The following SMG1 variants were observed in gnomAD, a reference collection of about 807,000 sequenced individuals.
SMG1 encodes SMG1 nonsense mediated mRNA decay associated PI3K related kinase, also known as serine/threonine-protein kinase SMG1.
SMG1 carries 22 observed loss-of-function variants against 419.9 expected under a neutral mutation model. That is an observed-to-expected ratio of 0.05 (90% CI 0.04 to 0.07). The LOEUF is 0.07. SMG1 is among the 10% of genes least tolerant of loss of function. The pLI is 1.00. For synonymous variants in SMG1, 1,538 were observed against 1,553.5 expected (o/e 0.99, Z 0.23); for missense variants, 3,185 against 4,342.0 (o/e 0.73, Z 7.49).
chr16:18,867,567 AATTT>A (rs2035584671), intron 22 of SMG1, among the ~76,000 whole-genome samples: 1 of 148,138 alleles, frequency 6.8e-6, no homozygotes, highest in Admixed American at 6.8e-5. Context: ...ATAAATAAAT[AATTT>A]ATCCCATAAA....
chr16:18,843,680 G>C (rs914643282), intron 39 of SMG1, among the ~76,000 whole-genome samples: 9 of 152,130 alleles, frequency 5.9e-5, no homozygotes. Flanking sequence ...AATCCAATAT[G>C]GCAGTAAAAA....
chr16:18,859,057 A>C lies in SMG1; in HGVS notation c.4078T>G (p.Leu1360Val). ...AGTCTGTTAGAAACTGTGTTCTCCA[A>C]AGCAGATGAGCAATACAGCTGCAAG... ...STLQLYCSSA[L>V]ENTVSNRLST... Residue 1360 changes from leucine (L) to valine (V), a missense_variant, in exon 28 of 63, where the codon TTG becomes GTG. This residue lies in a region of SMG1 where 493 missense variants were observed against 552.9 expected (regional missense o/e 0.89). Coordinates refer to ENST00000446231, the MANE Select transcript of SMG1 (RefSeq NM_015092.5). The C allele has an allele frequency of 6.5e-7, 1 of 1,535,026 alleles. No individual in the cohort carries two copies. The highest frequency in any genetic ancestry group is 8.7e-7 in the Non-Finnish European group (1 of 1,146,524).
intron 1 of SMG1, among the ~76,000 whole-genome samples, chr16:18,916,034 A>ACTCCAGC (rs1428874622): frequency 7.6e-6 from 1 of 130,868 alleles, no homozygotes; most frequent in East Asian, 2.3e-4. Context: ...ACACCATTGC[A>ACTCCAGC]CTCCAGCCTG....
chr16:18,892,999 C>A (rs1467664957), intron 3 of SMG1, among the ~76,000 whole-genome samples: 1 of 152,176 alleles, frequency 6.6e-6, no homozygotes, highest in Non-Finnish European at 1.5e-5. Context: ...AAACTGTTTT[C>A]AACATGCAGG....
At chr16:18,919,957 G>A (rs1193821452) in intron 1 of SMG1, among the ~76,000 whole-genome samples, 1 of 151,544 alleles carries the variant, frequency 6.6e-6, no homozygotes, top group Non-Finnish European at 1.5e-5. Flanking sequence ...CGGGCCTGGT[G>A]ACATGCACCT....
intron 12 of SMG1, among the ~76,000 whole-genome samples, chr16:18,876,598 A>G (rs1336435198): frequency 6.6e-6 from 1 of 152,178 alleles, no homozygotes; most frequent in Non-Finnish European, 1.5e-5. Context: ...TCAAGTCTAT[A>G]AAGTTTTATC....
intron 13 of SMG1, among the ~76,000 whole-genome samples, chr16:18,873,482 G>A (rs1471700466): frequency 6.6e-6 from 1 of 152,076 alleles, no homozygotes; most frequent in Non-Finnish European, 1.5e-5. Context: ...TCGGTCTCCC[G>A]AGGGATTACA....
In SMG1 at chr16:18,830,397, C is replaced by T. The variant is rs529696928; in HGVS notation, c.8793-28G>A. On this transcript the variant is annotated intron_variant, in intron 51 of 62. Coordinates refer to ENST00000446231, the MANE Select transcript of SMG1 (RefSeq NM_015092.5). ...ACAGAAAAACAAAAGGAGTTAAAACCTTCGCTGAAAAGTAATGCCTTTGGT... is the reference window on the plus strand; with the variant it reads ...ACAGAAAAACAAAAGGAGTTAAAACTTTCGCTGAAAAGTAATGCCTTTGGT... The T allele has an allele frequency of 3.1e-6, 5 of 1,612,188 alleles. No homozygotes were observed. The East Asian group carries it at 1.1e-4, about 36-fold the overall frequency.
intron 3 of SMG1, among the ~76,000 whole-genome samples, chr16:18,892,853 A>G (rs1350557778): frequency 1.3e-5 from 2 of 152,230 alleles, no homozygotes; most frequent in Admixed American, 6.5e-5. Context: ...CTGGCAAATA[A>G]CAGACCCTCA....
intron 6 of SMG1, among the ~76,000 whole-genome samples, chr16:18,887,108 T>C (rs146172894): frequency 3.0e-4 from 45 of 152,274 alleles, no homozygotes; most frequent in African/African-American, 1.0e-3. Context: ...TGGCAAAATA[T>C]TAGTAACTGG....
Position 18,926,025 on chromosome 16 carries a change from G to A in SMG1, c.17C>T (p.Pro6Leu). 2 of 1,576,006 alleles carry A rather than the reference G, an allele frequency of 1.3e-6. 1 individual carries two copies. The highest frequency in any genetic ancestry group is 1.7e-6 in the Non-Finnish European group (2 of 1,169,014). Residue 6 changes from proline to leucine, a missense_variant, in exon 1 of 63, where the codon CCG becomes CTG. By Grantham distance (98) the Pro-to-Leu change is moderately conservative. Around this residue, in one of 27 missense-constraint regions of SMG1, gnomAD observed 88 missense variants for 85.9 expected, o/e 1.02. Transcript: ENST00000446231. Reference protein sequence around the residue: MSRRAPGSRLSSGGGG... With the variant: MSRRALGSRLSSGGGG... ...GCCGCCGCTGCTCAGCCGAGACCCC[G>A]GGGCTCTGCGGCTCATTACCTTCCC...
chr16:18,827,354 A>G (rs1295196368), intron 55 of SMG1, among the ~76,000 whole-genome samples: 1 of 151,304 alleles, frequency 6.6e-6, no homozygotes, highest in African/African-American at 2.4e-5. Context: ...TGAACCCGAG[A>G]GGCAGAGGTT....
chr16:18,809,982 A>C (rs1025116972), intron 62 of SMG1, among the ~76,000 whole-genome samples: 1 of 152,020 alleles, frequency 6.6e-6, no homozygotes, highest in African/African-American at 2.4e-5. Flanking sequence ...GGTTTCTTAA[A>C]AAAAAAAAAA....
chr16:18,919,572 C>T (rs567278323), intron 1 of SMG1, among the ~76,000 whole-genome samples: 3 of 149,594 alleles, frequency 2.0e-5, no homozygotes, highest in South Asian at 4.2e-4. Context: ...GGCAGTGAGC[C>T]GAGATTGCGC....
Position 18,896,204 on chromosome 16 carries a change from C to A in SMG1, c.260G>T (p.Gly87Val). 4 of 1,422,738 alleles carry A rather than the reference C, an allele frequency of 2.8e-6. No homozygotes were observed. Among genetic ancestry groups the A allele is most frequent in the Middle Eastern group, 4.9e-4 (2 of 4,086 alleles). The allele number at this position is 1,422,738 out of a possible 1,614,324, so 88.1% of individuals were successfully genotyped here. A position where few individuals can be genotyped will look rare whatever the true frequency, so the allele number is the denominator to read the frequency against. Residue 87 changes from glycine to valine, a missense_variant, in exon 3 of 63, where the codon GGC becomes GTC. Gly to Val is a moderately radical substitution (Grantham distance 109). This residue lies in a region of SMG1 where 42 missense variants were observed against 100.1 expected (regional missense o/e 0.42). Coordinates refer to ENST00000446231, the MANE Select transcript of SMG1 (RefSeq NM_015092.5). ...CCCAGATCCTCCATTGACACTGTAGCCACCTACAAACAGCAATGTGTACGT... is the reference window on the plus strand; with the variant it reads ...CCCAGATCCTCCATTGACACTGTAGACACCTACAAACAGCAATGTGTACGT... ...HADIQNDEKG[G>V]YSVNGGSGEN...
At chr16:18,883,580 C>A (rs2036492831) in intron 9 of SMG1, among the ~76,000 whole-genome samples, 1 of 152,226 alleles carries the variant, frequency 6.6e-6, no homozygotes, top group Non-Finnish European at 1.5e-5. Flanking sequence ...TTCTTTTAGT[C>A]TCTCCAGTAA....
intron 1 of SMG1, among the ~76,000 whole-genome samples, chr16:18,922,449 T>C (rs1159614528): frequency 6.6e-6 from 1 of 152,156 alleles, no homozygotes; most frequent in African/African-American, 2.4e-5. Flanking sequence ...ATAATACAAC[T>C]GACCTAAGAC....
At chr16:18,871,782 T>C in intron 15 of SMG1, among the ~76,000 whole-genome samples, 1 of 151,626 alleles carries the variant, frequency 6.6e-6, no homozygotes, top group Non-Finnish European at 1.5e-5. Context: ...CTACTAAAAA[T>C]ACAAAAATTA....
chr16:18,924,351 C>A (rs1228243609), intron 1 of SMG1, among the ~76,000 whole-genome samples: 42 of 151,178 alleles, frequency 2.8e-4, no homozygotes, highest in African/African-American at 7.1e-4. Flanking sequence ...TTAGAACTAC[C>A]AACTACAATT....
Sources: allele counts gnomAD v4.1 joint callset (sites outside exome capture counted in the v4.1 genomes callset), GRCh38; gene constraint gnomAD v4.1.1; regional missense constraint gnomAD v4.1.1; transcripts MANE v1.5; gene names NCBI Gene and HGNC (gene_info 2026-07-23, HGNC 2026-07-21).